Variants in CTNNA2 observed in about 807,000 individuals in gnomAD.
CTNNA2 encodes the protein catenin alpha-2.
A neutral mutation model predicts 101.0 loss-of-function variants in CTNNA2; 42 were observed. That is an observed-to-expected ratio of 0.42 (90% CI 0.32 to 0.54). The LOEUF (loss-of-function observed/expected upper bound fraction) is 0.54, where lower values mean the gene tolerates loss of function less well. Among genes scored for constraint, CTNNA2 ranks in the 20% least tolerant of loss-of-function variants. The pLI, the probability that CTNNA2 is intolerant of heterozygous loss-of-function variation, is 0.14. For synonymous variants in CTNNA2, 450 were observed against 456.4 expected (o/e 0.99, Z 0.18); for missense variants, 871 against 1,223.1 (o/e 0.71, Z 4.29).
intron 4 of CTNNA2, among the ~76,000 whole-genome samples, chr2:79,446,727 A>G (rs1678837289): frequency 1.3e-5 from 2 of 152,070 alleles, no homozygotes; most frequent in African/African-American, 2.4e-5. Flanking sequence ...TGGAAAGGAC[A>G]GTGTCACCTG....
At chr2:79,275,004 C>T (rs556131387) in intron 2 of CTNNA2, among the ~76,000 whole-genome samples, 1 of 152,004 alleles carries the variant, frequency 6.6e-6, no homozygotes, top group Non-Finnish European at 1.5e-5. Flanking sequence ...TCTGGGAACC[C>T]ACCCCAAAGG....
chr2:80,536,286 C>T (rs1465562830), intron 9 of CTNNA2, among the ~76,000 whole-genome samples: 2 of 152,044 alleles, frequency 1.3e-5, no homozygotes, highest in Non-Finnish European at 2.9e-5. Flanking sequence ...AAATCTGTGC[C>T]ACCATCCTCT....
At chr2:79,731,924 AC>A (rs1436088414) in intron 2 of CTNNA2, among the ~76,000 whole-genome samples, 1 of 151,918 alleles carries the variant, frequency 6.6e-6, no homozygotes, top group Non-Finnish European at 1.5e-5. Flanking sequence ...AGCAGAAATC[AC>A]TCATTTTCTC....
chr2:80,570,580 ATGAAT>A (rs998287830), intron 12 of CTNNA2, among the ~76,000 whole-genome samples: 10 of 152,292 alleles, frequency 6.6e-5, no homozygotes, highest in African/African-American at 2.2e-4. Context: ...AGTAAATATA[ATGAAT>A]TGAATGAGTT....
intron 7 of CTNNA2, among the ~76,000 whole-genome samples, chr2:80,273,989 T>C (rs1050050411): frequency 7.2e-5 from 11 of 152,200 alleles, no homozygotes; most frequent in African/African-American, 2.7e-4. Context: ...CAGTGCTTAG[T>C]GCCTGGCACA....
chr2:80,073,213 C>G (rs1250752221), intron 7 of CTNNA2, among the ~76,000 whole-genome samples: 1 of 152,062 alleles, frequency 6.6e-6, no homozygotes, highest in Non-Finnish European at 1.5e-5. Context: ...GATTTGGGGA[C>G]TAATCAAAGA....
intron 3 of CTNNA2, among the ~76,000 whole-genome samples, chr2:79,755,065 C>T (rs1672305013): frequency 6.6e-6 from 1 of 151,976 alleles, no homozygotes; most frequent in Admixed American, 6.6e-5. Flanking sequence ...GTGGCTCATA[C>T]CTGTAATCCC....
chr2:79,965,509 G>A (rs1349057534), intron 7 of CTNNA2, among the ~76,000 whole-genome samples: 1 of 151,986 alleles, frequency 6.6e-6, no homozygotes, highest in Admixed American at 6.6e-5. Flanking sequence ...CAATTATGGT[G>A]GATCTTTCTA....
In CTNNA2 at chr2:80,574,275, T is replaced by A. The variant is rs1428218765; in HGVS notation, c.1854T>A (p.Asp618Glu). Residue 618 changes from aspartate to glutamate, a missense_variant, in exon 13 of 19, where the codon GAT (aspartate) becomes GAA (glutamate). Coordinates refer to ENST00000402739, the MANE Select transcript of CTNNA2 (RefSeq NM_001282597.3). The part of the protein sequence containing the change: ...EFIDASRLVY[D>E]GVRDIRKAVL... The stretch of plus-strand genomic sequence containing the variant: ...TCGATGCCTCTCGCCTGGTGTATGA[T>A]GGCGTTCGGGACATCAGAAAGGCTG... 2 of 1,613,562 alleles carry A rather than the reference T, an allele frequency of 1.2e-6. No homozygotes were observed. The highest frequency in any genetic ancestry group is 1.7e-6 in the Non-Finnish European group (2 of 1,179,586).
At chr2:80,554,604 C>A (rs975980687) in intron 11 of CTNNA2, among the ~76,000 whole-genome samples, 1 of 152,120 alleles carries the variant, frequency 6.6e-6, no homozygotes, top group African/African-American at 2.4e-5. Context: ...TCTCTGAGGT[C>A]TCTTTTATAA....
At chr2:80,455,198 A>T (rs1683859982) in intron 9 of CTNNA2, among the ~76,000 whole-genome samples, 1 of 152,300 alleles carries the variant, frequency 6.6e-6, no homozygotes, top group African/African-American at 2.4e-5. Context: ...CTATAAATGA[A>T]ATTTTTAAAG....
At position 79,491,464 on chromosome 2, in the gene CTNNA2, C is replaced by CA. The variant is rs202010818; in HGVS notation, c.-134-13589dup. Among the ~76,000 whole-genome samples the CA allele has an allele frequency of 1.3e-3, 192 of 152,198 alleles. 5 individuals are homozygous for CA. The East Asian group carries it at 0.034, about 27-fold the overall frequency. ...GCCAAAGTTAACAGAATTCAAGAAA[C>CA]AGAAATGGAAACTATTTTAGCTATG... is the stretch of plus-strand genomic sequence containing the variant. On this transcript the variant is annotated intron_variant, in intron 4 of 21. Coordinates refer to the CTNNA2 transcript ENST00000466387.
At chr2:79,922,344 C>A (rs1166047314) in intron 7 of CTNNA2, among the ~76,000 whole-genome samples, 1 of 152,104 alleles carries the variant, frequency 6.6e-6, no homozygotes, top group Non-Finnish European at 1.5e-5. Flanking sequence ...ATTTTGTCTG[C>A]ACACTTGGGT....
intron 1 of CTNNA2, among the ~76,000 whole-genome samples, chr2:79,647,084 C>A (rs1680871977): frequency 6.6e-6 from 1 of 152,034 alleles, no homozygotes; most frequent in South Asian, 2.1e-4. Flanking sequence ...CTTTTGTGGG[C>A]AAACAGACGG....
intron 4 of CTNNA2, among the ~76,000 whole-genome samples, chr2:79,485,741 G>T (rs1671151316): frequency 6.6e-6 from 1 of 152,110 alleles, no homozygotes; most frequent in Non-Finnish European, 1.5e-5. Context: ...ACTGATGTAG[G>T]CCTCATTGCT....
At chr2:79,779,882 G>A (rs1021691984) in intron 3 of CTNNA2, among the ~76,000 whole-genome samples, 1 of 152,148 alleles carries the variant, frequency 6.6e-6, no homozygotes, top group African/African-American at 2.4e-5. Flanking sequence ...TGAAAAACTA[G>A]TTCAGGCCAT....
intron 7 of CTNNA2, among the ~76,000 whole-genome samples, chr2:80,378,340 GA>G (rs2149344458): frequency 6.7e-6 from 1 of 149,186 alleles, no homozygotes; most frequent in East Asian, 2.0e-4. Context: ...TGGGCAACAA[GA>G]GCAAAACTCT....
At chr2:80,583,483 A>T (rs899432337) in intron 14 of CTNNA2, among the ~76,000 whole-genome samples, 3 of 152,226 alleles carry the variant, frequency 2.0e-5, no homozygotes, top group Non-Finnish European at 4.4e-5. Context: ...CTTCAGAATT[A>T]AGTAAAACCA....
chr2:79,192,899 C>T (rs112235097), intron 1 of CTNNA2, among the ~76,000 whole-genome samples: 54 of 152,044 alleles, frequency 3.6e-4, no homozygotes, highest in Middle Eastern at 3.4e-3. Context: ...AGTCATGATA[C>T]AATTAAAGAA....
Sources: allele counts gnomAD v4.1 joint callset (sites outside exome capture counted in the v4.1 genomes callset), GRCh38; gene constraint gnomAD v4.1.1; transcripts MANE v1.5; gene names NCBI Gene and HGNC (gene_info 2026-07-23, HGNC 2026-07-21).